Variants in GALNT10 observed in about 807,000 individuals in gnomAD.
GALNT10 encodes GalNAc transferase 10.
GALNT10 carries 41 observed loss-of-function variants against 75.0 expected under a neutral mutation model. That is an observed-to-expected ratio of 0.55 (90% CI 0.43 to 0.71). The LOEUF is 0.71. Among genes scored for constraint, GALNT10 ranks in the 30% least tolerant of loss-of-function variants. GALNT10 has a pLI of 0.00. For synonymous variants in GALNT10, 302 were observed against 313.0 expected (o/e 0.96, Z 0.37); for missense variants, 727 against 818.5 (o/e 0.89, Z 1.36).
intron 1 of GALNT10, among the ~76,000 whole-genome samples, chr5:154,197,886 G>A (rs918995141): frequency 2.0e-5 from 3 of 152,184 alleles, no homozygotes; most frequent in Admixed American, 6.5e-5. Flanking sequence ...TAGTGGTGGA[G>A]CTGGTATTTG....
chr5:154,322,865 C>G (rs1312780957), intron 3 of GALNT10, among the ~76,000 whole-genome samples: 1 of 152,114 alleles, frequency 6.6e-6, no homozygotes, highest in Non-Finnish European at 1.5e-5. Flanking sequence ...GATACGGAGA[C>G]AAAAGAACTT....
intron 4 of GALNT10, among the ~76,000 whole-genome samples, chr5:154,371,399 C>T (rs1755561004): frequency 6.6e-6 from 1 of 152,068 alleles, no homozygotes. Flanking sequence ...TGATTCAAGC[C>T]ACAACAACTC....
chr5:154,326,872 A>T (rs568989666), intron 3 of GALNT10, among the ~76,000 whole-genome samples: 2 of 152,342 alleles, frequency 1.3e-5, no homozygotes, highest in East Asian at 3.9e-4. Context: ...AAATTATAAA[A>T]GAGTAACTTT....
chr5:154,362,192 G>A (rs143452218), intron 4 of GALNT10, among the ~76,000 whole-genome samples: 355 of 152,372 alleles, frequency 2.3e-3, no homozygotes, highest in Non-Finnish European at 4.2e-3. Context: ...ACACTGGGAT[G>A]TGTGCATGTG....
chr5:154,253,569 T>C (rs1456460122), intron 1 of GALNT10, among the ~76,000 whole-genome samples: 3 of 152,266 alleles, frequency 2.0e-5, no homozygotes, highest in African/African-American at 7.2e-5. Context: ...CTTTGTATTT[T>C]TTTAAAAAAT....
chr5:154,272,021 A>G (rs1357581395), intron 1 of GALNT10, among the ~76,000 whole-genome samples: 2 of 152,208 alleles, frequency 1.3e-5, no homozygotes, highest in East Asian at 1.9e-4. Flanking sequence ...TTTGCCTGGC[A>G]GCATATTTTT....
intron 1 of GALNT10, among the ~76,000 whole-genome samples, chr5:154,213,047 A>G (rs1429898145): frequency 1.3e-5 from 2 of 151,840 alleles, no homozygotes; most frequent in African/African-American, 2.4e-5. Context: ...TAGAGCTTTG[A>G]GCAGGTGACT....
chr5:154,207,950 A>T (rs1196032930), intron 1 of GALNT10, among the ~76,000 whole-genome samples: 1 of 152,074 alleles, frequency 6.6e-6, no homozygotes, highest in Non-Finnish European at 1.5e-5. Context: ...AATAGTTGAA[A>T]GAGATCGGGA....
intron 1 of GALNT10, among the ~76,000 whole-genome samples, chr5:154,227,549 T>C (rs1304749583): frequency 6.6e-6 from 1 of 152,248 alleles, no homozygotes; most frequent in Admixed American, 6.5e-5. Context: ...ATATTCTATA[T>C]ACAAGTATTT....
intron 1 of GALNT10, among the ~76,000 whole-genome samples, chr5:154,254,721 G>T (rs1214878556): frequency 6.6e-6 from 1 of 151,982 alleles, no homozygotes; most frequent in Non-Finnish European, 1.5e-5. Context: ...GATGTCTAAG[G>T]CCACATTACA....
rs1004582552 is a variant in GALNT10 at position 154,397,809 on chromosome 5, C to A, written c.1057-6295C>A. Among the ~76,000 whole-genome samples, 8 of 152,220 alleles carry A rather than the reference C, an allele frequency of 5.3e-5. No homozygotes were observed. The South Asian group carries it at 1.7e-3, about 31-fold the overall frequency. ...GTGCCATTCCTGGCTAGCTTCCAGG[C>A]AGCCATTTCCTCAACAGAGAGAAGC... On this transcript the variant is annotated intron_variant, in intron 7 of 11. Coordinates refer to ENST00000297107, the MANE Select transcript of GALNT10 (RefSeq NM_198321.4).
intron 3 of GALNT10, among the ~76,000 whole-genome samples, chr5:154,315,476 G>A (rs901225508): frequency 1.3e-5 from 2 of 152,228 alleles, no homozygotes; most frequent in Non-Finnish European, 2.9e-5. Flanking sequence ...CCACCATTAA[G>A]AGGCCTTAGC....
At chr5:154,313,117 T>C (rs1754545104) in intron 3 of GALNT10, among the ~76,000 whole-genome samples, 4 of 152,188 alleles carry the variant, frequency 2.6e-5, no homozygotes, top group Admixed American at 2.6e-4. Context: ...GAGACCAGCC[T>C]GGCCAACATG....
intron 4 of GALNT10, among the ~76,000 whole-genome samples, chr5:154,331,277 A>G (rs1754859943): frequency 6.6e-6 from 1 of 152,090 alleles, no homozygotes; most frequent in Non-Finnish European, 1.5e-5. Flanking sequence ...ACTAACAGTA[A>G]GCCTTGAGCA....
intron 1 of GALNT10, among the ~76,000 whole-genome samples, chr5:154,281,150 G>C (rs932161535): frequency 2.0e-5 from 3 of 152,164 alleles, no homozygotes; most frequent in African/African-American, 7.2e-5. Context: ...GATCAATTTT[G>C]AGAGGACTCA....
chr5:154,326,475 C>T (rs894042939), intron 3 of GALNT10, among the ~76,000 whole-genome samples: 1 of 151,982 alleles, frequency 6.6e-6, no homozygotes, highest in Non-Finnish European at 1.5e-5. Flanking sequence ...TTCATAATAG[C>T]CAAAAGGGGG....
chr5:154,375,134 T>C (rs1359953976), intron 4 of GALNT10, among the ~76,000 whole-genome samples: 1 of 152,214 alleles, frequency 6.6e-6, no homozygotes, highest in Non-Finnish European at 1.5e-5. Flanking sequence ...GAAACCATCA[T>C]GTTTCCACAG....
intron 10 of GALNT10, among the ~76,000 whole-genome samples, chr5:154,415,540 C>T (rs1272055047): frequency 3.3e-5 from 5 of 152,068 alleles, no homozygotes; most frequent in Non-Finnish European, 5.9e-5. Flanking sequence ...GGTTTCACCA[C>T]GTTAGCCAGC....
At chr5:154,405,333 T>C (rs1756255285) in intron 8 of GALNT10, among the ~76,000 whole-genome samples, 1 of 152,226 alleles carries the variant, frequency 6.6e-6, no homozygotes, top group African/African-American at 2.4e-5. Flanking sequence ...GGAGCTGAGC[T>C]CCGGGAAGTG....
Sources: gnomAD v4.1 joint callset for allele counts (sites outside exome capture counted in the v4.1 genomes callset) on GRCh38, gnomAD v4.1.1 for gene constraint, MANE v1.5 for transcripts, NCBI Gene and HGNC (gene_info 2026-07-23, HGNC 2026-07-21) for gene names.